The following FBXO6 variants were observed in gnomAD, a reference collection of about 807,000 sequenced individuals.
The protein encoded by FBXO6 is F-box protein 6, also known as F-box only protein 6.
A neutral mutation model predicts 25.0 loss-of-function variants in FBXO6; 13 were observed. The ratio of observed to expected loss-of-function variants is 0.52; its 90% CI spans 0.34 to 0.83. The LOEUF (loss-of-function observed/expected upper bound fraction) is 0.83. Among genes scored for constraint, FBXO6 ranks in the 40% least tolerant of loss-of-function variants. The pLI is 0.02. For missense variants in FBXO6, 370 were observed against 380.2 expected (o/e 0.97, Z 0.22); for synonymous variants, 138 against 155.3 (o/e 0.89, Z 0.83).
intron 3 of FBXO6, among the ~76,000 whole-genome samples, 163 bp downstream of exon 3, chr1:11,671,555 G>A (rs892582674): frequency 6.6e-6 from 1 of 152,228 alleles, no homozygotes; most frequent in Non-Finnish European, 1.5e-5. Context: ...AAATCACTCA[G>A]TGCTGTGTTA....
At chr1:11,668,110 A>G (rs1030600014) in intron 1 of FBXO6, among the ~76,000 whole-genome samples, 1 of 113,284 alleles carries the variant, frequency 8.8e-6, no homozygotes, top group Non-Finnish European at 1.9e-5. Flanking sequence ...AAAAAAAAAG[A>G]TTTTATATTC....
At chr1:11,665,215 C>CTCT (rs1640382808) in intron 1 of FBXO6, among the ~76,000 whole-genome samples, 1 of 61,586 alleles carries the variant, frequency 1.6e-5, no homozygotes, top group African/African-American at 7.1e-5. Context: ...TAGCTAATTT[C>CTCT]TTTTTTTTTT....
intron 1 of FBXO6, among the ~76,000 whole-genome samples, chr1:11,667,248 C>G (rs1640467013): frequency 6.6e-6 from 1 of 152,154 alleles, no homozygotes; most frequent in South Asian, 2.1e-4. Context: ...TGAGGCCCAC[C>G]TGAGTGACAG....
intron 1 of FBXO6, 80 bp from the exon 2 acceptor site, chr1:11,668,576 G>A (rs1366478148): frequency 2.6e-6 from 4 of 1,537,786 alleles, no homozygotes; most frequent in Middle Eastern, 1.7e-4. Flanking sequence ...CAGGGTTGGA[G>A]AGGAGTCCCT....
In FBXO6 at chr1:11,672,214, G is replaced by A. The variant is rs142533435; in HGVS notation, c.509+191G>A. ...CCTGGCCTCCCCACCACCCTGTGAC[G>A]TAGTCAACAGGACACAGTAGCCCCA... On this transcript the variant is annotated intron_variant, in intron 4 of 5. Coordinates refer to ENST00000376753, the MANE Select transcript of FBXO6 (RefSeq NM_018438.6). 416 of 596,604 alleles carry A rather than the reference G, an allele frequency of 7.0e-4. 1 individual carries two copies. The highest frequency in any genetic ancestry group is 6.8e-3 in the African/African-American group (368 of 53,954). 37.0% of individuals were successfully genotyped at this position (596,604 alleles called of 1,614,324 possible). A position where few individuals can be genotyped will look rare whatever the true frequency, so the allele number is the denominator to read the frequency against.
intron 2 of FBXO6, among the ~76,000 whole-genome samples, chr1:11,670,397 C>T (rs990897469): frequency 3.9e-5 from 6 of 152,028 alleles, no homozygotes; most frequent in Non-Finnish European, 2.9e-5. Context: ...GGTACCTGTT[C>T]TTCCACTTGG....
intron 1 of FBXO6, among the ~76,000 whole-genome samples, chr1:11,664,887 G>C (rs866731924): frequency 6.6e-6 from 1 of 151,314 alleles, no homozygotes; most frequent in Non-Finnish European, 1.5e-5. Flanking sequence ...GCCCAGGGCC[G>C]GGGGGGGGAA....
Position 11,673,612 on chromosome 1 carries a change from C to A in FBXO6, c.646-3C>A. ...GTCACTTCCTCTCCCTTCCTCCCAA[C>A]AGGTCTCCTACACCTTCTCAGACTA... is the stretch of plus-strand genomic sequence containing the variant. On this transcript the variant is annotated splice_polypyrimidine_tract_variant and splice_region_variant and intron_variant, in intron 5 of 5. Transcript: ENST00000376753. This position sits in a 1 kb window ranked among gnomAD's most constrained non-coding sequence, Gnocchi z 4.3. 1.2e-6 allele frequency: 2 copies of A among 1,612,248 alleles called. No homozygotes were observed. The highest frequency in any genetic ancestry group is 1.1e-5 in the South Asian group (1 of 91,044).
intron 2 of FBXO6, 23 bp from the exon 3 acceptor site, chr1:11,671,243 A>C: frequency 6.2e-7 from 1 of 1,610,498 alleles, no homozygotes; most frequent in Non-Finnish European, 8.5e-7. Flanking sequence ...AGGGGGTCTC[A>C]CCTTGGCTTC....
At chr1:11,669,355 T>C (rs1640539438) in intron 2 of FBXO6, among the ~76,000 whole-genome samples, 1 of 152,078 alleles carries the variant, frequency 6.6e-6, no homozygotes, top group South Asian at 2.1e-4. Flanking sequence ...TCCCAGCTAC[T>C]TGGGAGGCTG....
rs150995826 is a variant in FBXO6, at chr1:11,673,322, G to A, written c.555G>A (p.Val185=). ...ADCGCTYQLK[V]QLASADYFVL... ...GTGGCTGCACCTACCAACTCAAAGTGCAGCTGGCCTCGGCTGACTACTTCG... is the reference window on the plus strand; with the variant it reads ...GTGGCTGCACCTACCAACTCAAAGTACAGCTGGCCTCGGCTGACTACTTCG... The change falls in exon 5 of 6, where the codon GTG becomes GTA. Residue 185 remains valine, a synonymous_variant. Transcript: ENST00000376753. This position sits in a 1 kb window ranked among gnomAD's most constrained non-coding sequence, Gnocchi z 4.3. 834 of 1,614,070 alleles carry A rather than the reference G, an allele frequency of 5.2e-4. 2 individuals are homozygous for A. The African/African-American group carries it at 0.01, about 20-fold the overall frequency.
At chr1:11,669,603 C>T (rs749729005) in intron 2 of FBXO6, among the ~76,000 whole-genome samples, 7 of 151,280 alleles carry the variant, frequency 4.6e-5, no homozygotes, top group Non-Finnish European at 1.0e-4. Flanking sequence ...CACACACACA[C>T]ATATGTATAC....
intron 1 of FBXO6, among the ~76,000 whole-genome samples, chr1:11,665,024 G>A (rs1640369085): frequency 6.7e-6 from 1 of 149,716 alleles, no homozygotes; most frequent in Admixed American, 6.7e-5. Context: ...TCTAGACAGT[G>A]CCTTTAGAAG....
rs775080648 is a variant in FBXO6, at chr1:11,668,610, G to A, written c.-3-46G>A. 6 of 1,589,374 alleles carry A rather than the reference G, an allele frequency of 3.8e-6. No individual in the cohort carries two copies. The South Asian group carries it at 6.7e-5, about 18-fold the overall frequency. On this transcript the variant is annotated intron_variant, in intron 1 of 5. Coordinates refer to ENST00000376753, the MANE Select transcript of FBXO6 (RefSeq NM_018438.6). ...CTGGCCTGGTTCCCTGGGGACCTGA[G>A]GGCCCACCTCCCTGGTCAGGCTCAT...
chr1:11,667,362 G>A lies in FBXO6; in HGVS notation c.-3-1294G>A, dbSNP rs540614270. Among the ~76,000 whole-genome samples, 18 of 152,304 alleles carry A rather than the reference G, an allele frequency of 1.2e-4. No individual in the cohort carries two copies. In the East Asian group the frequency reaches 2.1e-3, roughly 18 times the overall value. On this transcript the variant is annotated intron_variant, in intron 1 of 5. Transcript: ENST00000376753. The stretch of plus-strand genomic sequence containing the variant: ...GCCCCCAGGTAACAGATTCAGGCCA[G>A]GGCTGTGGCACTGCTTGAAGTTTTC...
At position 11,673,879 on chromosome 1, in the gene FBXO6, C is replaced by T; in HGVS notation, c.*28C>T. ...GCTGTCCATCCTGTGTCTGGGTCAG[C>T]CAGAGGTTCCTCCAGGCAGGAGCTG... is the stretch of plus-strand genomic sequence containing the variant. On this transcript the variant is annotated 3_prime_UTR_variant, in exon 6 of 6. Transcript: ENST00000376753. The surrounding 1 kb of genome is among the most constrained non-coding windows in gnomAD (Gnocchi z 4.3). The T allele has an allele frequency of 6.2e-7, 1 of 1,606,296 alleles. No homozygotes were observed. The highest frequency in any genetic ancestry group is 8.5e-7 in the Non-Finnish European group (1 of 1,173,220).
chr1:11,674,103 G>A lies in FBXO6; in HGVS notation c.*252G>A. On this transcript the variant is annotated 3_prime_UTR_variant, in exon 6 of 6. Coordinates refer to ENST00000376753, the MANE Select transcript of FBXO6 (RefSeq NM_018438.6). This position sits in a 1 kb window ranked among gnomAD's most constrained non-coding sequence, Gnocchi z 6.1. ...GTGGATCACGAGGTCAGGAGATAGA[G>A]ACCATCCTGGCCAACACGGTGAAAC... is the stretch of plus-strand genomic sequence containing the variant. The A allele has an allele frequency of 2.3e-6, 1 of 444,006 alleles. No individual in the cohort carries two copies. The highest frequency in any genetic ancestry group is 4.2e-6 in the Non-Finnish European group (1 of 237,594). 27.5% of individuals were successfully genotyped at this position (444,006 alleles called of 1,614,324 possible).
intron 3 of FBXO6, 121 bp from the exon 4 acceptor site, chr1:11,671,807 A>C: frequency 1.2e-6 from 1 of 866,414 alleles, no homozygotes; most frequent in Non-Finnish European, 1.9e-6. Flanking sequence ...CGCAGCGGCC[A>C]AGGGGTACCC....
chr1:11,672,044 G>A (rs1005651031), intron 4 of FBXO6, 21 bp downstream of exon 4: 12 of 1,593,034 alleles, frequency 7.5e-6, no homozygotes, highest in Non-Finnish European at 1.0e-5. Flanking sequence ...TCCATGGCCT[G>A]TGTCCCCACA....
Sources: gnomAD v4.1 joint callset for allele counts (sites outside exome capture counted in the v4.1 genomes callset) on GRCh38, gnomAD v4.1.1 for gene constraint, Gnocchi (gnomAD v3.1) non-coding constraint, MANE v1.5 for transcripts, NCBI Gene and HGNC (gene_info 2026-07-23, HGNC 2026-07-21) for gene names.